Variants in SH3GL2 observed in about 807,000 individuals in gnomAD.
SH3GL2 encodes the protein endophilin-A1.
A neutral mutation model predicts 46.0 loss-of-function variants in SH3GL2; 24 were observed. The observed-to-expected ratio is 0.52, with a 90% CI of 0.38 to 0.73. SH3GL2 has a LOEUF of 0.73. SH3GL2 is among the 30% of genes least tolerant of loss of function. SH3GL2 has a pLI of 0.00. For synonymous variants in SH3GL2, 196 were observed against 147.1 expected (o/e 1.33, Z -2.40); for missense variants, 413 against 424.2 (o/e 0.97, Z 0.23).
At chr9:17,780,930 G>A (rs377090978) in intron 3 of SH3GL2, among the ~76,000 whole-genome samples, 1 of 926 alleles carries the variant, frequency 1.1e-3, no homozygotes, top group Non-Finnish European at 1.8e-3. Context: ...GAATAGTGCC[G>A]CAATAAACAT....
chr9:17,655,904 A>G (rs1820063788), intron 1 of SH3GL2, among the ~76,000 whole-genome samples: 1 of 152,174 alleles, frequency 6.6e-6, no homozygotes. Flanking sequence ...TTGCACAGGG[A>G]TCTGCACTTC....
At chr9:17,588,666 A>G (rs1818423342) in intron 1 of SH3GL2, among the ~76,000 whole-genome samples, 2 of 152,202 alleles carry the variant, frequency 1.3e-5, no homozygotes, top group Non-Finnish European at 1.5e-5. Context: ...TCTTCCCCCA[A>G]GCTTCCAGAT....
intron 1 of SH3GL2, among the ~76,000 whole-genome samples, chr9:17,691,293 C>T (rs1362702754): frequency 1.3e-5 from 2 of 152,084 alleles, no homozygotes; most frequent in African/African-American, 4.8e-5. Flanking sequence ...CCTACTAACC[C>T]TAATTCTACT....
At chr9:17,623,047 C>CT (rs1171448028) in intron 1 of SH3GL2, among the ~76,000 whole-genome samples, 4 of 41,916 alleles carry the variant, frequency 9.5e-5, no homozygotes, top group Admixed American at 6.2e-4. Flanking sequence ...TTTCCTTCCC[C>CT]TTCCCCTTCC....
chr9:17,692,908 A>G (rs2118143122), intron 1 of SH3GL2, among the ~76,000 whole-genome samples: 1 of 152,146 alleles, frequency 6.6e-6, no homozygotes. Flanking sequence ...CAAAAGTGGA[A>G]ACCCCTGATA....
chr9:17,715,304 G>A (rs1309378474), intron 1 of SH3GL2, among the ~76,000 whole-genome samples: 1 of 150,786 alleles, frequency 6.6e-6, no homozygotes, highest in Non-Finnish European at 1.5e-5. Flanking sequence ...AATTTGCCTA[G>A]TGTTTCTTGT....
At chr9:17,601,875 A>C (rs1055861646) in intron 1 of SH3GL2, among the ~76,000 whole-genome samples, 6 of 152,166 alleles carry the variant, frequency 3.9e-5, no homozygotes, top group Non-Finnish European at 7.3e-5. Context: ...GATGCTGCCA[A>C]ATAGGTAAAA....
At chr9:17,728,285 G>A (rs1822074667) in intron 1 of SH3GL2, among the ~76,000 whole-genome samples, 2 of 151,968 alleles carry the variant, frequency 1.3e-5, no homozygotes, top group Admixed American at 6.6e-5. Context: ...TAAAGGAAGG[G>A]TGTATGTATT....
intron 1 of SH3GL2, among the ~76,000 whole-genome samples, chr9:17,700,748 A>G (rs1821325672): frequency 6.6e-6 from 1 of 152,202 alleles, no homozygotes; most frequent in Admixed American, 6.5e-5. Context: ...ATGGTTTCCT[A>G]GATGCTCTGC....
chr9:17,581,755 A>G lies in SH3GL2; in HGVS notation c.45+2468A>G, dbSNP rs991917813. Among the ~76,000 whole-genome samples the G allele has an allele frequency of 5.3e-5, 8 of 152,088 alleles. No individual in the cohort carries two copies. In the South Asian group the frequency reaches 8.3e-4, roughly 16 times the overall value. ...CTCTTGTCGCCCAGGCAGGAGTGCA[A>G]TGGCGTGATCTCAGCATACTGCAAC... On this transcript the variant is annotated intron_variant, in intron 1 of 8. Coordinates refer to ENST00000380607, the MANE Select transcript of SH3GL2 (RefSeq NM_003026.5).
At chr9:17,697,787 C>T (rs527346828) in intron 1 of SH3GL2, among the ~76,000 whole-genome samples, 1 of 152,166 alleles carries the variant, frequency 6.6e-6, no homozygotes, top group Admixed American at 6.5e-5. Context: ...GCAGAAAATG[C>T]TAGGATTGTA....
At chr9:17,579,404 C>A in intron 1 of SH3GL2, 117 bp downstream of exon 1, 1 of 516,550 alleles carries the variant, frequency 1.9e-6, no homozygotes, top group Non-Finnish European at 2.9e-6. Flanking sequence ...TCGCCCGCGC[C>A]GGCCGCGCCC....
rs551019943 is a variant in SH3GL2, at chr9:17,579,668, C to T, written c.45+381C>T. ...GTAAAGTCGCCTCTTCACGGGTGACCTTGCGGAGTCGGTGCACCCGGCTTT... is the reference window on the plus strand; with the variant it reads ...GTAAAGTCGCCTCTTCACGGGTGACTTTGCGGAGTCGGTGCACCCGGCTTT... On this transcript the variant is annotated intron_variant, in intron 1 of 8. Transcript: ENST00000380607. Among the ~76,000 whole-genome samples the T allele has an allele frequency of 4.6e-5, 7 of 152,304 alleles. No individual in the cohort carries two copies. The South Asian group carries it at 1.4e-3, about 32-fold the overall frequency.
At chr9:17,687,539 A>T (rs1278790144) in intron 1 of SH3GL2, among the ~76,000 whole-genome samples, 1 of 150,286 alleles carries the variant, frequency 6.7e-6, no homozygotes, top group Non-Finnish European at 1.5e-5. Context: ...GTCAACATAC[A>T]GCATAGTGGA....
At chr9:17,743,569 A>AACACACACACACACACAC (rs58408701) in intron 1 of SH3GL2, among the ~76,000 whole-genome samples, 3,844 of 143,576 alleles carry the variant, frequency 0.027, 68 homozygotes, top group Non-Finnish European at 0.03. Flanking sequence ...CTCTTTTGTG[A>AACACACACACACACACAC]ACACACACAC....
chr9:17,648,765 C>G (rs902529809), intron 1 of SH3GL2, among the ~76,000 whole-genome samples: 1 of 152,124 alleles, frequency 6.6e-6, no homozygotes, highest in Non-Finnish European at 1.5e-5. Context: ...GTGAAATGTT[C>G]AAAAGAGTTT....
At chr9:17,728,060 G>A (rs1409154982) in intron 1 of SH3GL2, among the ~76,000 whole-genome samples, 5 of 152,102 alleles carry the variant, frequency 3.3e-5, no homozygotes, top group African/African-American at 1.2e-4. Flanking sequence ...TTCTTTATTT[G>A]AAAATATCTG....
At chr9:17,609,695 T>C (rs1563779813) in intron 1 of SH3GL2, among the ~76,000 whole-genome samples, 2 of 152,220 alleles carry the variant, frequency 1.3e-5, no homozygotes, top group African/African-American at 4.8e-5. Flanking sequence ...CTTTGGGGAA[T>C]TTATTGAGAA....
At position 17,605,865 on chromosome 9, in the gene SH3GL2, T is replaced by A. The variant is rs72713339; in HGVS notation, c.45+26578T>A. Among the ~76,000 whole-genome samples, 458 of 152,304 alleles carry A rather than the reference T, an allele frequency of 3.0e-3. 1 individual carries two copies. Among genetic ancestry groups the A allele is most frequent in the Non-Finnish European group, 5.0e-3 (340 of 68,020 alleles). On this transcript the variant is annotated intron_variant, in intron 1 of 8. Coordinates refer to ENST00000380607, the MANE Select transcript of SH3GL2 (RefSeq NM_003026.5). The stretch of plus-strand genomic sequence containing the variant: ...CTAGTGTCAGAGCAGGCAGTAGGGA[T>A]GCCTTCCTGTATGGGTGTGGCCATA...
Sources: allele counts gnomAD v4.1 joint callset (sites outside exome capture counted in the v4.1 genomes callset), GRCh38; gene constraint gnomAD v4.1.1; transcripts MANE v1.5; gene names NCBI Gene and HGNC (gene_info 2026-07-23, HGNC 2026-07-21).